Variants in RAG1 observed in about 807,000 individuals in gnomAD.
RAG1 encodes the protein recombination activating 1.
A neutral mutation model predicts 62.7 loss-of-function variants in RAG1; 35 were observed. The observed-to-expected ratio is 0.56, with a 90% CI of 0.43 to 0.74. RAG1 has a LOEUF of 0.74. Ranked by LOEUF, RAG1 falls within the 30% of genes least tolerant of loss-of-function variation. RAG1 has a pLI of 0.00. For missense variants in RAG1, 1,169 were observed against 1,278.6 expected (o/e 0.91, Z 1.31); for synonymous variants, 461 against 470.3 (o/e 0.98, Z 0.26).
downstream of RAG1, among the ~76,000 whole-genome samples, chr11:36,539,265 T>G (rs565931219): frequency 2.0e-5 from 3 of 152,326 alleles, no homozygotes; most frequent in Admixed American, 2.0e-4. Context: ...GGCAGTCATC[T>G]GCAACCCAAA....
At chr11:36,536,141 G>A (rs370120722), downstream of RAG1, 12 of 152,194 alleles carry the variant, frequency 7.9e-5, no homozygotes, top group South Asian at 1.5e-3. Flanking sequence ...TACAAGGGAA[G>A]GATAGGATTA....
At chr11:36,565,215 C>T (rs1564985643), upstream of RAG1, among the ~76,000 whole-genome samples, 1 of 152,184 alleles carries the variant, frequency 6.6e-6, no homozygotes, top group Admixed American at 6.5e-5. Flanking sequence ...GCTCAAAATG[C>T]AGCGTTCACA....
At position 36,574,848 on chromosome 11, in the gene RAG1, C is replaced by T. The variant is rs1224336572; in HGVS notation, c.1544C>T (p.Pro515Leu). 1.2e-6 allele frequency: 2 copies of T among 1,614,226 alleles called. No homozygotes were observed. Among genetic ancestry groups the T allele is most frequent in the Admixed American group, 3.3e-5 (2 of 60,030 alleles). The part of the protein sequence containing the change: ...ALRNAEKVLL[P>L]GYHHFEWQPP... ...CGGAATGCTGAGAAGGTACTTCTGCCAGGCTACCACCACTTTGAGTGGCAG... is the reference window on the plus strand; with the variant it reads ...CGGAATGCTGAGAAGGTACTTCTGCTAGGCTACCACCACTTTGAGTGGCAG... The change falls in exon 2 of 2, where the codon CCA becomes CTA. Residue 515 changes from proline (P) to leucine (L), a missense_variant. This residue lies in a region of RAG1 where 800 missense variants were observed against 943.3 expected (regional missense o/e 0.85). Transcript: ENST00000299440.
chr11:36,538,041 C>T (rs1056009967), downstream of RAG1, among the ~76,000 whole-genome samples: 1 of 151,992 alleles, frequency 6.6e-6, no homozygotes, highest in African/African-American at 2.4e-5. Flanking sequence ...ATCTTCTTAC[C>T]AAGGCCCTTA....
intron 2 of RAG1, among the ~76,000 whole-genome samples, chr11:36,527,409 T>C (rs1860180874): frequency 6.6e-6 from 1 of 152,226 alleles, no homozygotes; most frequent in South Asian, 2.1e-4. Context: ...TGTGGTGTTA[T>C]TTCTGAGGCC....
chr11:36,546,161 A>C (rs1850390306), intron 3 of RAG1, among the ~76,000 whole-genome samples: 1 of 152,100 alleles, frequency 6.6e-6, no homozygotes, highest in Non-Finnish European at 1.5e-5. Flanking sequence ...TTGTTGATAT[A>C]ATATTGACAG....
chr11:36,533,146 A>G (rs965755506), intron 2 of RAG1, among the ~76,000 whole-genome samples: 4 of 152,122 alleles, frequency 2.6e-5, no homozygotes, highest in Admixed American at 1.3e-4. Flanking sequence ...CTGGTTCCCC[A>G]TAGAAACAGG....
intron 1 of RAG1, among the ~76,000 whole-genome samples, chr11:36,571,626 T>C (rs1158609888): frequency 6.6e-6 from 1 of 152,192 alleles, no homozygotes; most frequent in African/African-American, 2.4e-5. Context: ...CCCATTTCTT[T>C]GTTTTTGAGA....
chr11:36,535,713 C>G (rs998883520), intron 2 of RAG1, among the ~76,000 whole-genome samples: 3 of 151,890 alleles, frequency 2.0e-5, no homozygotes, highest in South Asian at 2.1e-4. Context: ...CCACTGTACT[C>G]CAGCCTGGGC....
intron 3 of RAG1, among the ~76,000 whole-genome samples, chr11:36,562,460 A>G (rs56345614): frequency 0.15 from 23,114 of 152,232 alleles, 1,861 homozygotes; most frequent in Admixed American, 0.2. Flanking sequence ...ATGTGCCCCA[A>G]ATCACACAGG....
intron 1 of RAG1, among the ~76,000 whole-genome samples, chr11:36,518,941 A>T (rs1860036429): frequency 6.6e-6 from 1 of 152,142 alleles, no homozygotes; most frequent in Admixed American, 6.6e-5. Context: ...AAATGGTATG[A>T]GTGTTCGCTT....
chr11:36,526,371 A>G (rs1265575725), intron 2 of RAG1, among the ~76,000 whole-genome samples: 2 of 151,948 alleles, frequency 1.3e-5, no homozygotes, highest in Non-Finnish European at 2.9e-5. Context: ...GCTGAAAATG[A>G]TGGTTTCCAG....
chr11:36,518,337 A>G (rs1275496500), intron 1 of RAG1, among the ~76,000 whole-genome samples: 2 of 152,110 alleles, frequency 1.3e-5, no homozygotes, highest in Non-Finnish European at 2.9e-5. Flanking sequence ...ATGATTTATA[A>G]TCCTTTGGGT....
upstream of RAG1, among the ~76,000 whole-genome samples, chr11:36,566,886 T>G (rs779787277): frequency 6.6e-6 from 1 of 152,188 alleles, no homozygotes; most frequent in Non-Finnish European, 1.5e-5. Context: ...GAGCGTCGAA[T>G]GAGGGCAGCA....
At chr11:36,534,899 G>A (rs1397628840) in intron 2 of RAG1, among the ~76,000 whole-genome samples, 1 of 152,030 alleles carries the variant, frequency 6.6e-6, no homozygotes, top group Non-Finnish European at 1.5e-5. Flanking sequence ...GTTCTAATGT[G>A]GTAGTGTTGC....
chr11:36,564,750 C>T (rs185543806), upstream of RAG1, among the ~76,000 whole-genome samples: 2 of 152,300 alleles, frequency 1.3e-5, no homozygotes, highest in Admixed American at 6.5e-5. Context: ...GAGAAATGAG[C>T]GTGTGGAGAC....
At chr11:36,514,650 A>G (rs549406688) in intron 1 of RAG1, among the ~76,000 whole-genome samples, 1 of 152,366 alleles carries the variant, frequency 6.6e-6, no homozygotes, top group East Asian at 1.9e-4. Flanking sequence ...GCAGATCATC[A>G]GGCATTAAAT....
chr11:36,571,164 A>G (rs1850734695), intron 1 of RAG1, among the ~76,000 whole-genome samples: 1 of 152,090 alleles, frequency 6.6e-6, no homozygotes, highest in Admixed American at 6.6e-5. Flanking sequence ...AGATAGTTCT[A>G]AGGATCCTAC....
chr11:36,544,834 TG>T (rs1394211334), intron 3 of RAG1, among the ~76,000 whole-genome samples: 1 of 152,150 alleles, frequency 6.6e-6, no homozygotes, highest in African/African-American at 2.4e-5. Flanking sequence ...TGAGATCTGA[TG>T]GTTTAAAAGT....
Sources: allele counts gnomAD v4.1 joint callset (sites outside exome capture counted in the v4.1 genomes callset), GRCh38; gene constraint gnomAD v4.1.1; regional missense constraint gnomAD v4.1.1; transcripts MANE v1.5; gene names NCBI Gene and HGNC (gene_info 2026-07-23, HGNC 2026-07-21).